ARHGAP10: variants seen among roughly 807,000 people sequenced by gnomAD.
ARHGAP10 encodes Rho GTPase activating protein 10.
Under a neutral mutation model 108.6 loss-of-function variants are expected in ARHGAP10, and 87 were observed. That is an observed-to-expected ratio of 0.80 (90% confidence interval 0.67 to 0.96). ARHGAP10 has a LOEUF of 0.96. Ranked by LOEUF, ARHGAP10 falls within the 40% of genes least tolerant of loss-of-function variation. ARHGAP10 has a pLI of 0.00. For synonymous variants in ARHGAP10, 347 were observed against 341.1 expected (o/e 1.02, Z -0.19); for missense variants, 939 against 954.5 (o/e 0.98, Z 0.21).
intron 18 of ARHGAP10, among the ~76,000 whole-genome samples, chr4:148,011,782 C>T (rs1406151808): frequency 6.6e-6 from 1 of 152,154 alleles, no homozygotes; most frequent in South Asian, 2.1e-4. Context: ...TTGGAATTAA[C>T]TGTAATCTAT....
intron 18 of ARHGAP10, among the ~76,000 whole-genome samples, chr4:147,978,425 G>C (rs1739683249): frequency 6.6e-6 from 1 of 152,108 alleles, no homozygotes; most frequent in African/African-American, 2.4e-5. Flanking sequence ...ATCTCATGTT[G>C]AATTGTAATT....
chr4:148,002,125 G>T (rs1034264605), intron 18 of ARHGAP10, among the ~76,000 whole-genome samples: 5 of 152,146 alleles, frequency 3.3e-5, no homozygotes, highest in Admixed American at 6.5e-5. Context: ...TAGCATGAAG[G>T]CTGTTGAATT....
chr4:147,816,488 T>G (rs2126778835), intron 1 of ARHGAP10, among the ~76,000 whole-genome samples: 1 of 152,322 alleles, frequency 6.6e-6, no homozygotes, highest in East Asian at 1.9e-4. Context: ...GTGATAAGAA[T>G]TCATTACACA....
At position 147,949,913 on chromosome 4, in the gene ARHGAP10, C is replaced by T. The variant is rs148820926; in HGVS notation, c.1391+3209C>T. On this transcript the variant is annotated intron_variant, in intron 15 of 22. Transcript: ENST00000336498. ...GGAATTTGTTTAATAAACTAGAGGCCCTTTTTATTTAGTACATAGGATTTC... is the reference window on the plus strand; with the variant it reads ...GGAATTTGTTTAATAAACTAGAGGCTCTTTTTATTTAGTACATAGGATTTC... 7.8e-4 allele frequency among the ~76,000 whole-genome samples: 118 copies of T among 151,932 alleles called. 3 individuals are homozygous for T. In the East Asian group the frequency reaches 0.02, roughly 26 times the overall value.
intron 20 of ARHGAP10, among the ~76,000 whole-genome samples, chr4:148,058,301 T>C (rs767638367): frequency 3.3e-5 from 5 of 152,236 alleles, no homozygotes; most frequent in Admixed American, 6.5e-5. Flanking sequence ...CAGTGCAAAC[T>C]TCTGATTTGA....
intron 10 of ARHGAP10, among the ~76,000 whole-genome samples, chr4:147,893,889 G>A (rs1197521993): frequency 6.6e-6 from 1 of 152,114 alleles, no homozygotes; most frequent in Non-Finnish European, 1.5e-5. Context: ...TTCATAGAAT[G>A]TAAGAATTTT....
chr4:147,885,083 T>G (rs1735489406), intron 10 of ARHGAP10, among the ~76,000 whole-genome samples: 1 of 147,810 alleles, frequency 6.8e-6, no homozygotes, highest in Admixed American at 6.8e-5. Flanking sequence ...GGTGAAGGAG[T>G]GGGGAAGGTT....
chr4:147,839,091 CGTAT>C (rs1278611501), intron 3 of ARHGAP10, among the ~76,000 whole-genome samples: 2 of 139,550 alleles, frequency 1.4e-5, no homozygotes, highest in African/African-American at 2.8e-5. Context: ...TTAGATCTAT[CGTAT>C]CTATCTATCT....
chr4:147,875,278 C>A, intron 8 of ARHGAP10, 128 bp downstream of exon 8: 1 of 1,043,748 alleles, frequency 9.6e-7, no homozygotes, highest in East Asian at 3.0e-5. Context: ...CTGCTCCTAT[C>A]ACCTAATGGG....
intron 3 of ARHGAP10, among the ~76,000 whole-genome samples, chr4:147,837,650 T>TTTTTTTTGTTTTTTTTTTG (rs1553955212): frequency 8.9e-6 from 1 of 112,006 alleles, no homozygotes; most frequent in Non-Finnish European, 1.8e-5. Flanking sequence ...ACTGTTTTTT[T>TTTTTTTTGTTTTTTTTTTG]TTTTTTTTTT....
intron 17 of ARHGAP10, 111 bp downstream of exon 17, chr4:147,965,240 G>A (rs1739162149): frequency 1.5e-6 from 1 of 679,694 alleles, no homozygotes; most frequent in Non-Finnish European, 2.4e-6. Flanking sequence ...AGGGCAGGCT[G>A]AACGTTTGAC....
At position 147,732,496 on chromosome 4, in the gene ARHGAP10, A is replaced by G. The variant is rs754072201; in HGVS notation, c.154+41A>G. 3.7e-6 allele frequency: 6 copies of G among 1,603,790 alleles called. No individual in the cohort carries two copies. In the South Asian group the frequency reaches 5.6e-5, roughly 15 times the overall value. On this transcript the variant is annotated intron_variant, in intron 1 of 22. Transcript: ENST00000336498. ...GGCGCGGACGGGCTGCGGCGTGGCG[A>G]GGCGGCTGGGGGAGCCTCTCTCGGC... is the stretch of plus-strand genomic sequence containing the variant.
At chr4:147,996,391 C>G (rs920853081) in intron 18 of ARHGAP10, among the ~76,000 whole-genome samples, 3 of 152,198 alleles carry the variant, frequency 2.0e-5, no homozygotes, top group Non-Finnish European at 4.4e-5. Flanking sequence ...TTCCTACCCT[C>G]ATAACTTCCA....
chr4:147,875,173 C>CT (rs1735007948), intron 8 of ARHGAP10, 23 bp downstream of exon 8: 1 of 1,537,378 alleles, frequency 6.5e-7, no homozygotes, highest in African/African-American at 1.4e-5. Context: ...CCAGCAGTGG[C>CT]TGCGTGGCTG....
At chr4:147,906,074 T>G (rs1218226788) in intron 10 of ARHGAP10, among the ~76,000 whole-genome samples, 1 of 152,232 alleles carries the variant, frequency 6.6e-6, no homozygotes, top group Non-Finnish European at 1.5e-5. Context: ...TTTTTGTACA[T>G]TGATTTTGTA....
chr4:147,887,008 C>T (rs749984216), intron 10 of ARHGAP10, among the ~76,000 whole-genome samples: 1 of 152,128 alleles, frequency 6.6e-6, no homozygotes, highest in Admixed American at 6.5e-5. Flanking sequence ...CCACCTGCCT[C>T]GGCCTCCCAA....
chr4:147,922,539 A>T (rs551258941), intron 13 of ARHGAP10, among the ~76,000 whole-genome samples: 80 of 151,326 alleles, frequency 5.3e-4, no homozygotes, highest in Non-Finnish European at 9.7e-4. Context: ...ACTACAAAAA[A>T]TAGCCGGGCG....
chr4:147,897,857 A>G (rs566719592), intron 10 of ARHGAP10, among the ~76,000 whole-genome samples: 70 of 152,080 alleles, frequency 4.6e-4, no homozygotes, highest in African/African-American at 1.5e-3. Flanking sequence ...TTTTTTGGCT[A>G]TATGTGTATA....
chr4:147,857,098 C>T (rs1010240127), intron 4 of ARHGAP10, among the ~76,000 whole-genome samples: 13 of 152,168 alleles, frequency 8.5e-5, no homozygotes, highest in African/African-American at 2.2e-4. Context: ...GTGATCCGCC[C>T]GTCTTGGCCT....
Sources: gnomAD v4.1 joint callset for allele counts (sites outside exome capture counted in the v4.1 genomes callset) on GRCh38, gnomAD v4.1.1 for gene constraint, MANE v1.5 for transcripts, NCBI Gene and HGNC (gene_info 2026-07-23, HGNC 2026-07-21) for gene names.